Variants in KLRG1 observed in about 807,000 individuals in gnomAD.
The protein encoded by KLRG1 is killer cell lectin-like receptor subfamily G member 1.
In KLRG1, 16 loss-of-function variants were observed where a neutral mutation model predicts 21.8. The ratio of observed to expected loss-of-function variants is 0.73; its 90% CI spans 0.50 to 1.11. The LOEUF is 1.11. Ranked by LOEUF, KLRG1 falls within the 50% of genes most tolerant of loss-of-function variation. The pLI is 0.00. For missense variants in KLRG1, 173 were observed against 218.3 expected, an observed-to-expected ratio of 0.79 and a Z score of 1.31; for synonymous variants, 69 against 75.9, an observed-to-expected ratio of 0.91 and a Z score of 0.47.
chr12:8,973,058 C>T (rs778908008), intron 1 of KLRG1, among the ~76,000 whole-genome samples: 183 of 146,698 alleles, frequency 1.2e-3, no homozygotes, highest in Non-Finnish European at 2.2e-3. Flanking sequence ...ATTTGGGAGG[C>T]GGAGGCAGGA....
At chr12:9,054,720 T>C in the KLRG1 span, among the ~76,000 whole-genome samples, 1 of 152,200 alleles carries the variant, frequency 6.6e-6, no homozygotes, top group Non-Finnish European at 1.5e-5. Context: ...TTTTGTTCTA[T>C]GTCATGTCAT....
chr12:9,148,049 T>C, the KLRG1 span, among the ~76,000 whole-genome samples: 2 of 152,116 alleles, frequency 1.3e-5, no homozygotes, highest in Non-Finnish European at 2.9e-5. Context: ...TGCCATTTGA[T>C]TTTACCATCT....
At chr12:9,092,369 G>A in the KLRG1 span, among the ~76,000 whole-genome samples, 4 of 152,116 alleles carry the variant, frequency 2.6e-5, no homozygotes, top group East Asian at 7.7e-4. Context: ...GAACACAGAG[G>A]TGGTTTTAAA....
At chr12:9,001,739 T>G (rs781683818) in intron 3 of KLRG1, among the ~76,000 whole-genome samples, 4 of 152,174 alleles carry the variant, frequency 2.6e-5, no homozygotes, top group Non-Finnish European at 5.9e-5. Context: ...CAACCCCATC[T>G]CATGATGATT....
At chr12:9,134,444 C>T in the KLRG1 span, among the ~76,000 whole-genome samples, 1 of 151,920 alleles carries the variant, frequency 6.6e-6, no homozygotes, top group African/African-American at 2.4e-5. Context: ...ATGAGATCTC[C>T]CTTTTAACAA....
the KLRG1 span, chr12:9,152,978 T>C: frequency 6.2e-7 from 1 of 1,613,722 alleles, no homozygotes; most frequent in Non-Finnish European, 8.5e-7. Context: ...ACACTATCAG[T>C]TTCTCTCTTT....
chr12:9,165,932 A>G, the KLRG1 span: 17 of 1,256,994 alleles, frequency 1.4e-5, no homozygotes, highest in Non-Finnish European at 1.9e-5. Flanking sequence ...GTCTATCCTA[A>G]AGAGGAAGAG....
intron 1 of KLRG1, among the ~76,000 whole-genome samples, chr12:8,980,723 A>G (rs931061936): frequency 1.3e-5 from 2 of 152,178 alleles, no homozygotes; most frequent in African/African-American, 4.8e-5. Context: ...CTGAGGCTCT[A>G]GCTTTGGAGG....
chr12:9,183,157 A>T, the KLRG1 span, among the ~76,000 whole-genome samples: 1 of 152,194 alleles, frequency 6.6e-6, no homozygotes. Context: ...ACCCTTAGGA[A>T]TATTTTACAA....
At chr12:9,060,792 G>C in the KLRG1 span, among the ~76,000 whole-genome samples, 1 of 151,970 alleles carries the variant, frequency 6.6e-6, no homozygotes, top group Non-Finnish European at 1.5e-5. Context: ...GGTATATGTC[G>C]CTTCTTTATA....
At chr12:9,067,842 G>A in the KLRG1 span, 1 of 1,612,056 alleles carries the variant, frequency 6.2e-7, no homozygotes, top group Non-Finnish European at 8.5e-7. Context: ...TCCAAGATCT[G>A]TGACATTGGA....
intron 3 of KLRG1, among the ~76,000 whole-genome samples, chr12:9,008,049 C>G (rs1194769424): frequency 1.3e-5 from 2 of 152,106 alleles, no homozygotes; most frequent in Admixed American, 6.5e-5. Flanking sequence ...TGTTGGGTAA[C>G]GTGGCACACA....
the KLRG1 span, among the ~76,000 whole-genome samples, chr12:9,130,863 A>C: frequency 2.0e-5 from 3 of 152,134 alleles, no homozygotes; most frequent in Admixed American, 6.5e-5. Context: ...ATATCTAAGA[A>C]GTCATTGACA....
chr12:9,200,603 T>C, the KLRG1 span, among the ~76,000 whole-genome samples: 1 of 152,222 alleles, frequency 6.6e-6, no homozygotes, highest in Non-Finnish European at 1.5e-5. Flanking sequence ...GTTTAACAAT[T>C]CATGCAGAAT....
the KLRG1 span, among the ~76,000 whole-genome samples, chr12:9,204,578 A>G: frequency 6.6e-6 from 1 of 152,186 alleles, no homozygotes; most frequent in African/African-American, 2.4e-5. Context: ...GTCAAAGTCA[A>G]TATTTTATCA....
the KLRG1 span, among the ~76,000 whole-genome samples, chr12:9,127,081 C>G: frequency 6.6e-6 from 1 of 152,192 alleles, no homozygotes; most frequent in Non-Finnish European, 1.5e-5. Flanking sequence ...TTCTTCCTAT[C>G]CCTTTATTAA....
chr12:9,194,130 C>G, the KLRG1 span: 8 of 1,613,970 alleles, frequency 5.0e-6, no homozygotes, highest in East Asian at 1.8e-4. Flanking sequence ...GAAAACTGTG[C>G]AAGACCCTGC....
the KLRG1 span, among the ~76,000 whole-genome samples, chr12:9,195,180 A>G: frequency 3.5e-4 from 54 of 152,284 alleles, no homozygotes; most frequent in South Asian, 9.9e-3. Flanking sequence ...ATTTGAATGT[A>G]TTAAATAATC....
chr12:9,121,409 C>T, the KLRG1 span, among the ~76,000 whole-genome samples: 181 of 152,090 alleles, frequency 1.2e-3, 2 homozygotes, highest in Middle Eastern at 3.4e-3. This position sits in a 1 kb window ranked among gnomAD's most constrained non-coding sequence, Gnocchi z 4.4. Context: ...GGTGTGGTGG[C>T]GTGCGCCTGT....
Sources: gnomAD v4.1 joint callset for allele counts (sites outside exome capture counted in the v4.1 genomes callset) on GRCh38, gnomAD v4.1.1 for gene constraint, Gnocchi (gnomAD v3.1) non-coding constraint, MANE v1.5 for transcripts, NCBI Gene and HGNC (gene_info 2026-07-23, HGNC 2026-07-21) for gene names.